Variants in DCAF8L2 observed in about 807,000 individuals in gnomAD.
DCAF8L2 encodes DDB1- and CUL4-associated factor 8-like protein 2.
For missense variants in DCAF8L2, 430 were observed against 490.7 expected (o/e 0.88, Z 1.17); for synonymous variants, 200 against 190.9 (o/e 1.05, Z -0.39).
the DCAF8L2 span, among the ~76,000 whole-genome samples, chrX:27,504,650 A>G: frequency 1.8e-5 from 2 of 111,501 alleles, no homozygotes; most frequent in Non-Finnish European, 3.8e-5. Context: ...CTTACCATTG[A>G]AAGAAACCAC....
At chrX:27,603,062 C>T (rs1294097565) in intron 1 of DCAF8L2, among the ~76,000 whole-genome samples, 1 of 111,579 alleles carries the variant, frequency 9.0e-6, no homozygotes, top group Non-Finnish European at 1.9e-5. Flanking sequence ...GAGACAATTA[C>T]ATGTCCTCTA....
At chrX:27,502,938 T>C in the DCAF8L2 span, among the ~76,000 whole-genome samples, 1 of 112,014 alleles carries the variant, frequency 8.9e-6, no homozygotes, top group Non-Finnish European at 1.9e-5. Flanking sequence ...TCTTTCTGAT[T>C]TCAAGGTGGA....
the DCAF8L2 span, chrX:27,517,761 G>C: frequency 8.8e-7 from 1 of 1,138,167 alleles, no homozygotes; most frequent in East Asian, 3.0e-5. Flanking sequence ...CAAAATAACA[G>C]CTCTCACATT....
At chrX:27,610,448 C>T (rs774919414) in intron 1 of DCAF8L2, among the ~76,000 whole-genome samples, 3 of 110,492 alleles carry the variant, frequency 2.7e-5, no homozygotes, top group Non-Finnish European at 5.7e-5. Context: ...ATAATAAATA[C>T]TTATTTTAAC....
At chrX:27,477,217 G>A in the DCAF8L2 span, among the ~76,000 whole-genome samples, 500 of 112,496 alleles carry the variant, frequency 4.4e-3, 3 homozygotes, top group Non-Finnish European at 7.5e-3. Flanking sequence ...TGATTTCCTT[G>A]TTCTGAACAA....
At position 27,703,809 on chromosome X, in the gene DCAF8L2, G is replaced by A. The variant is rs565151650; in HGVS notation, c.-142-12279G>A. Among the ~76,000 whole-genome samples the A allele has an allele frequency of 3.1e-4, 34 of 110,011 alleles. No homozygotes were observed. The Middle Eastern group carries it at 0.019, about 61-fold the overall frequency. ...TAGGAATAAATCTTTATATTTATTT[G>A]TATTGTATTTAGAAAAATAGGCAAT... On this transcript the variant is annotated intron_variant, in intron 3 of 4. Coordinates refer to ENST00000451261, the MANE Select transcript of DCAF8L2 (RefSeq NM_001353450.2).
the DCAF8L2 span, chrX:27,517,693 G>A: frequency 3.4e-5 from 28 of 819,924 alleles, no homozygotes; most frequent in South Asian, 1.4e-4. Flanking sequence ...GCATTCCACC[G>A]TATCCGCAAA....
the DCAF8L2 span, among the ~76,000 whole-genome samples, chrX:27,509,493 T>C: frequency 8.9e-6 from 1 of 112,435 alleles, no homozygotes; most frequent in African/African-American, 3.2e-5. Flanking sequence ...ATAGTGACTA[T>C]AATTCTACAG....
At chrX:27,615,879 C>G (rs1185658896) in intron 1 of DCAF8L2, among the ~76,000 whole-genome samples, 1 of 110,405 alleles carries the variant, frequency 9.1e-6, no homozygotes, top group African/African-American at 3.3e-5. Context: ...GCACTAGAAA[C>G]CTTTCTTTTT....
At chrX:27,619,837 GA>G (rs1193800730) in intron 1 of DCAF8L2, among the ~76,000 whole-genome samples, 2 of 108,362 alleles carry the variant, frequency 1.8e-5, no homozygotes, top group African/African-American at 6.7e-5. Flanking sequence ...AAAACTGCAT[GA>G]TAAAAAAAAG....
At chrX:27,485,672 G>T in the DCAF8L2 span, among the ~76,000 whole-genome samples, 93 of 110,651 alleles carry the variant, frequency 8.4e-4, 1 homozygote, top group African/African-American at 2.7e-3. Flanking sequence ...CTTTCTACAC[G>T]AATAATTTTA....
chrX:27,495,930 A>C, the DCAF8L2 span, among the ~76,000 whole-genome samples: 1 of 111,660 alleles, frequency 9.0e-6, no homozygotes, highest in Non-Finnish European at 1.9e-5. Context: ...TTTCCTGTGC[A>C]TATTTTCCTG....
upstream of DCAF8L2, among the ~76,000 whole-genome samples, chrX:27,586,439 T>G (rs915157876): frequency 2.7e-5 from 3 of 111,510 alleles, no homozygotes; most frequent in African/African-American, 9.8e-5. Flanking sequence ...TTGCCATTAC[T>G]TTTAATGCAA....
chrX:27,647,722 G>T (rs998302765), intron 2 of DCAF8L2, among the ~76,000 whole-genome samples: 13 of 109,854 alleles, frequency 1.2e-4, no homozygotes, highest in African/African-American at 4.3e-4. Context: ...GAACAGGAAA[G>T]ACCCCATACA....
intron 4 of DCAF8L2, among the ~76,000 whole-genome samples, chrX:27,729,260 G>A (rs962968873): frequency 9.0e-6 from 1 of 111,299 alleles, no homozygotes; most frequent in Admixed American, 9.6e-5. Flanking sequence ...GGTATAATTT[G>A]TATTCAATAC....
At chrX:27,516,845 G>A in the DCAF8L2 span, among the ~76,000 whole-genome samples, 3,376 of 111,405 alleles carry the variant, frequency 0.03, 129 homozygotes, top group African/African-American at 0.1. Flanking sequence ...TTCCAGAAAG[G>A]TCCAGGTTTT....
chrX:27,667,390 C>T (rs1474706882), intron 2 of DCAF8L2, among the ~76,000 whole-genome samples: 1 of 110,993 alleles, frequency 9.0e-6, no homozygotes, highest in Non-Finnish European at 1.9e-5. Flanking sequence ...TTTAATAACC[C>T]CCAAATAAAT....
At chrX:27,652,768 G>T (rs894789554) in intron 2 of DCAF8L2, among the ~76,000 whole-genome samples, 9 of 111,995 alleles carry the variant, frequency 8.0e-5, no homozygotes, top group African/African-American at 2.9e-4. Context: ...TGTGATCATT[G>T]CCTCTGGAGT....
the DCAF8L2 span, among the ~76,000 whole-genome samples, chrX:27,558,748 A>C: frequency 1.1e-5 from 1 of 94,019 alleles, no homozygotes; most frequent in Non-Finnish European, 2.1e-5. Flanking sequence ...TCCCAGTGCT[A>C]TCCCTCCCCC....
Sources: allele counts gnomAD v4.1 joint callset (sites outside exome capture counted in the v4.1 genomes callset), GRCh38; gene constraint gnomAD v4.1.1; transcripts MANE v1.5; gene names NCBI Gene and HGNC (gene_info 2026-07-23, HGNC 2026-07-21).